Variants in ASTN2 observed in about 807,000 individuals in gnomAD.
The protein encoded by ASTN2 is astrotactin-2.
In ASTN2, 54 loss-of-function variants were observed where a neutral mutation model predicts 139.8. The observed-to-expected ratio is 0.39, with a 90% CI of 0.31 to 0.48. The LOEUF (loss-of-function observed/expected upper bound fraction) is 0.48. Among genes scored for constraint, ASTN2 ranks in the 20% least tolerant of loss-of-function variants. ASTN2 has a pLI of 0.95. For synonymous variants in ASTN2, 756 were observed against 719.5 expected (o/e 1.05, Z -0.81); for missense variants, 1,565 against 1,725.1 (o/e 0.91, Z 1.64).
intron 16 of ASTN2, among the ~76,000 whole-genome samples, chr9:116,652,100 G>A (rs1857950751): frequency 6.6e-6 from 1 of 151,922 alleles, no homozygotes; most frequent in African/African-American, 2.4e-5. Flanking sequence ...GAGGCAGGTG[G>A]ACCACCTGAG....
intron 10 of ASTN2, among the ~76,000 whole-genome samples, chr9:116,878,989 G>A (rs906621331): frequency 6.6e-6 from 1 of 151,834 alleles, no homozygotes; most frequent in Non-Finnish European, 1.5e-5. Context: ...TGCTGCTCAG[G>A]AGCCTGAGAG....
At chr9:116,906,157 C>T (rs1449027773) in intron 10 of ASTN2, among the ~76,000 whole-genome samples, 5 of 152,078 alleles carry the variant, frequency 3.3e-5, no homozygotes, top group Non-Finnish European at 7.4e-5. Flanking sequence ...AAAGAATTCA[C>T]AGGCTCTTGG....
intron 22 of ASTN2, among the ~76,000 whole-genome samples, chr9:116,435,190 C>T (rs750833414): frequency 2.6e-5 from 4 of 152,252 alleles, no homozygotes; most frequent in Non-Finnish European, 4.4e-5. Flanking sequence ...GAGTTCAGCC[C>T]TTTCATGTTA....
intron 4 of ASTN2, among the ~76,000 whole-genome samples, chr9:117,122,334 T>A (rs1157426258): frequency 1.3e-5 from 2 of 152,050 alleles, no homozygotes; most frequent in African/African-American, 2.4e-5. Flanking sequence ...CACAATTAGG[T>A]CCAAGCAAGC....
intron 19 of ASTN2, among the ~76,000 whole-genome samples, chr9:116,599,766 T>C (rs1209527536): frequency 1.3e-5 from 2 of 152,172 alleles, no homozygotes; most frequent in Admixed American, 1.3e-4. Context: ...TCAAAGTTCA[T>C]CAATAATGTC....
At chr9:117,394,727 A>G (rs565757238) in intron 1 of ASTN2, among the ~76,000 whole-genome samples, 7 of 152,188 alleles carry the variant, frequency 4.6e-5, no homozygotes, top group Non-Finnish European at 8.8e-5. Context: ...TCCGGACAGT[A>G]AAAACCCCAG....
At chr9:117,180,968 T>A in intron 3 of ASTN2, 1 of 1,597,578 alleles carries the variant, frequency 6.3e-7, no homozygotes, top group Non-Finnish European at 8.5e-7. Flanking sequence ...TGAACCCTGG[T>A]CACAGTGCCC....
chr9:117,292,483 T>C (rs960324536), intron 1 of ASTN2, among the ~76,000 whole-genome samples: 1 of 152,172 alleles, frequency 6.6e-6, no homozygotes, highest in Non-Finnish European at 1.5e-5. Flanking sequence ...CAGTGAATCT[T>C]ATGCATGAAT....
chr9:116,733,437 A>AC lies in ASTN2; in HGVS notation c.2482dup (p.Val828GlyfsTer19). 1 of 1,613,270 alleles carries AC rather than the reference A, an allele frequency of 6.2e-7. No homozygotes were observed. The highest frequency in any genetic ancestry group is 8.5e-7 in the Non-Finnish European group (1 of 1,179,718). On this transcript the variant is annotated frameshift_variant, in exon 14 of 23. Transcript: ENST00000313400. LOFTEE classifies it high-confidence loss of function. The stretch of plus-strand genomic sequence containing the variant: ...GAGGTCTGGAAGGGGCTCGGAGAGG[A>AC]CCCCCCGGCACTGCTCCTCCACCGG...
intron 7 of ASTN2, among the ~76,000 whole-genome samples, chr9:117,001,196 G>A (rs771619572): frequency 2.6e-5 from 4 of 152,116 alleles, no homozygotes; most frequent in African/African-American, 4.8e-5. Context: ...AAGCTTTAAG[G>A]AATGATAACC....
At chr9:117,142,169 T>C (rs1588009752) in intron 3 of ASTN2, among the ~76,000 whole-genome samples, 1 of 152,246 alleles carries the variant, frequency 6.6e-6, no homozygotes, top group South Asian at 2.1e-4. Flanking sequence ...AGACATCTGG[T>C]AGGCCACATT....
At chr9:117,321,044 T>C (rs1044705852) in intron 1 of ASTN2, among the ~76,000 whole-genome samples, 2 of 152,212 alleles carry the variant, frequency 1.3e-5, no homozygotes, top group Admixed American at 1.3e-4. Flanking sequence ...GGACACACAA[T>C]GTGCCCCATC....
intron 5 of ASTN2, among the ~76,000 whole-genome samples, chr9:117,088,161 G>C (rs1161436763): frequency 6.6e-6 from 1 of 152,182 alleles, no homozygotes; most frequent in African/African-American, 2.4e-5. Context: ...GATGGATAAA[G>C]GATGAGGTAA....
In ASTN2 at chr9:117,242,205, G is replaced by A. The variant is rs145293905; in HGVS notation, c.631-27463C>T. On this transcript the variant is annotated intron_variant, in intron 2 of 22. Coordinates refer to ENST00000313400, the MANE Select transcript of ASTN2 (RefSeq NM_001365068.1). ...TCCTCTTAGAGAGTGTTTCCTATTT[G>A]GAATGGTTCCCCTGGACATAGCCTA... Among the ~76,000 whole-genome samples, 810 of 151,694 alleles carry A rather than the reference G, an allele frequency of 5.3e-3. 11 individuals are homozygous for A. The highest frequency in any genetic ancestry group is 0.019 in the African/African-American group (780 of 41,322).
chr9:116,807,048 G>T (rs1831047800), intron 12 of ASTN2, among the ~76,000 whole-genome samples: 1 of 152,160 alleles, frequency 6.6e-6, no homozygotes, highest in Non-Finnish European at 1.5e-5. Flanking sequence ...AAAAAGGGAT[G>T]TTTGTCTATT....
chr9:117,101,336 A>T (rs1828971885), intron 4 of ASTN2, among the ~76,000 whole-genome samples: 1 of 152,188 alleles, frequency 6.6e-6, no homozygotes, highest in Non-Finnish European at 1.5e-5. Context: ...TTTTAATATA[A>T]AATTGGTGAT....
At chr9:116,475,619 C>T (rs768259000) in intron 20 of ASTN2, among the ~76,000 whole-genome samples, 27 of 152,204 alleles carry the variant, frequency 1.8e-4, no homozygotes, top group Admixed American at 2.6e-4. Flanking sequence ...TGTGTCTTTT[C>T]TTAACTTGAA....
chr9:116,450,467 C>A (rs1247083715), intron 20 of ASTN2, among the ~76,000 whole-genome samples: 1 of 152,182 alleles, frequency 6.6e-6, no homozygotes, highest in Non-Finnish European at 1.5e-5. Flanking sequence ...GGTCACACAG[C>A]TCTCTAACTG....
chr9:116,762,840 T>C (rs370253128), intron 13 of ASTN2, among the ~76,000 whole-genome samples: 6 of 152,202 alleles, frequency 3.9e-5, no homozygotes, highest in East Asian at 3.9e-4. Context: ...ATATTTACTA[T>C]TGAGGCCTTT....
Sources: gnomAD v4.1 joint callset for allele counts (sites outside exome capture counted in the v4.1 genomes callset) on GRCh38, gnomAD v4.1.1 for gene constraint, MANE v1.5 for transcripts, NCBI Gene and HGNC (gene_info 2026-07-23, HGNC 2026-07-21) for gene names.